Variants in SLCO3A1 observed in about 807,000 individuals in gnomAD.
The protein encoded by SLCO3A1 is solute carrier organic anion transporter family member 3A1, also known as PGE1 transporter.
SLCO3A1 carries 27 observed loss-of-function variants against 63.1 expected under a neutral mutation model. That is an observed-to-expected ratio of 0.43 (90% CI 0.32 to 0.59). The LOEUF (loss-of-function observed/expected upper bound fraction) is 0.59, where lower values mean the gene tolerates loss of function less well. Among genes scored for constraint, SLCO3A1 ranks in the 20% least tolerant of loss-of-function variants. The pLI is 0.09. For missense variants in SLCO3A1, 773 were observed against 945.8 expected (o/e 0.82, Z 2.40); for synonymous variants, 473 against 409.9 (o/e 1.15, Z -1.86).
intron 9 of SLCO3A1, among the ~76,000 whole-genome samples, chr15:92,155,796 T>C (rs1205771799): frequency 6.6e-6 from 1 of 152,028 alleles, no homozygotes; most frequent in South Asian, 2.1e-4. Flanking sequence ...GAGGCTGAGG[T>C]TTGGAGCCCC....
chr15:91,994,985 T>C (rs1325241005), intron 2 of SLCO3A1, among the ~76,000 whole-genome samples: 1 of 152,194 alleles, frequency 6.6e-6, no homozygotes, highest in Non-Finnish European at 1.5e-5. Context: ...CATTCCCACG[T>C]AGGAAAAATC....
intron 1 of SLCO3A1, among the ~76,000 whole-genome samples, chr15:91,880,126 C>CGTCT (rs1897523262): frequency 3.5e-5 from 4 of 115,346 alleles, no homozygotes; most frequent in Non-Finnish European, 6.8e-5. Context: ...TCCGTCCGTC[C>CGTCT]GTCCGTCCAT....
At chr15:92,073,519 A>C (rs1459831239) in intron 2 of SLCO3A1, among the ~76,000 whole-genome samples, 1 of 152,308 alleles carries the variant, frequency 6.6e-6, no homozygotes, top group East Asian at 1.9e-4. Context: ...AGCCTATTCA[A>C]TTCTAAGTAC....
chr15:92,153,102 T>C (rs933356181), intron 9 of SLCO3A1, among the ~76,000 whole-genome samples: 2 of 152,234 alleles, frequency 1.3e-5, no homozygotes, highest in Non-Finnish European at 2.9e-5. Context: ...AATATCTGTA[T>C]GTCTGCCCCA....
intron 2 of SLCO3A1, among the ~76,000 whole-genome samples, chr15:91,965,734 G>T (rs1477882361): frequency 7.4e-6 from 1 of 135,188 alleles, no homozygotes; most frequent in Admixed American, 7.1e-5. Context: ...GTGTGTGTGT[G>T]TGTGTGTGTG....
intron 1 of SLCO3A1, among the ~76,000 whole-genome samples, chr15:91,864,215 T>C (rs1897112197): frequency 6.6e-6 from 1 of 152,220 alleles, no homozygotes; most frequent in Admixed American, 6.5e-5. Flanking sequence ...TTTTAGGTCT[T>C]CTTAAGTATA....
chr15:91,926,561 G>A (rs539614175), intron 2 of SLCO3A1, among the ~76,000 whole-genome samples: 1 of 83,694 alleles, frequency 1.2e-5, no homozygotes, highest in South Asian at 4.3e-4. Context: ...GCCAAGCCGT[G>A]TGTGTGTGTG....
chr15:92,114,226 ATGGT>A (rs2047764592), intron 4 of SLCO3A1, among the ~76,000 whole-genome samples: 1 of 152,086 alleles, frequency 6.6e-6, no homozygotes, highest in African/African-American at 2.4e-5. Context: ...CATGTCACTG[ATGGT>A]TGGTTCATAA....
At chr15:92,001,479 G>C (rs1203523617) in intron 2 of SLCO3A1, among the ~76,000 whole-genome samples, 1 of 152,172 alleles carries the variant, frequency 6.6e-6, no homozygotes, top group African/African-American at 2.4e-5. Flanking sequence ...TCCTGCCCCA[G>C]CCTCCTGTGC....
At chr15:91,915,451 A>T (rs1055779181) in intron 1 of SLCO3A1, among the ~76,000 whole-genome samples, 14 of 152,116 alleles carry the variant, frequency 9.2e-5, no homozygotes, top group African/African-American at 3.4e-4. Context: ...GCAAAGAGCA[A>T]ATGATTACCC....
At position 91,916,560 on chromosome 15, in the gene SLCO3A1, G is replaced by C; in HGVS notation, c.646+102G>C. 1 of 852,156 alleles carries C rather than the reference G, an allele frequency of 1.2e-6. No individual in the cohort carries two copies. The highest frequency in any genetic ancestry group is 1.8e-6 in the Non-Finnish European group (1 of 554,184). The allele number at this position is 852,156 out of a possible 1,614,324, so 52.8% of individuals were successfully genotyped here. On this transcript the variant is annotated intron_variant, in intron 2 of 9. Transcript: ENST00000318445. The surrounding 1 kb of genome is among the most constrained non-coding windows in gnomAD (Gnocchi z 6.2). ...GATTTTGCCAGAGTACTGGTTCTCA[G>C]ACTTGGCTGCACACCTAGTGTTCTT...
In SLCO3A1 at chr15:91,927,345, G is replaced by A. The variant is rs571394020; in HGVS notation, c.646+10887G>A. 2.0e-5 allele frequency among the ~76,000 whole-genome samples: 3 copies of A among 151,988 alleles called. No individual in the cohort carries two copies. The East Asian group carries it at 5.8e-4, about 29-fold the overall frequency. On this transcript the variant is annotated intron_variant, in intron 2 of 9. Coordinates refer to ENST00000318445, the MANE Select transcript of SLCO3A1 (RefSeq NM_013272.4). ...CAAAAACACTTTAAAATGGCACTTG[G>A]ATCATTAATAGAATCTGAACTCTCA...
chr15:91,868,271 C>T (rs540339921), intron 1 of SLCO3A1, among the ~76,000 whole-genome samples: 6 of 150,520 alleles, frequency 4.0e-5, no homozygotes, highest in Non-Finnish European at 7.4e-5. Context: ...AGGCTAGTCT[C>T]GAACTCCTGA....
chr15:91,993,040 T>C (rs2046146131), intron 2 of SLCO3A1, among the ~76,000 whole-genome samples: 1 of 152,204 alleles, frequency 6.6e-6, no homozygotes, highest in Non-Finnish European at 1.5e-5. Flanking sequence ...GTACAACCTT[T>C]CTGGCGTGTG....
At chr15:92,031,688 A>T (rs72757419) in intron 2 of SLCO3A1, among the ~76,000 whole-genome samples, 28,836 of 152,112 alleles carry the variant, frequency 0.19, 2,936 homozygotes, top group Non-Finnish European at 0.21. Context: ...ATAGTAGGTG[A>T]ATATATTTAT....
At position 91,953,487 on chromosome 15, in the gene SLCO3A1, G is replaced by A. The variant is rs76926159; in HGVS notation, c.646+37029G>A. On this transcript the variant is annotated intron_variant, in intron 2 of 9. Coordinates refer to ENST00000318445, the MANE Select transcript of SLCO3A1 (RefSeq NM_013272.4). ...CTTAGGAGAGTTACCCACAGGAAGG[G>A]AGAGCCTGCCAGGAGGAGTAGGTGT... 8.9e-3 allele frequency among the ~76,000 whole-genome samples: 1,359 copies of A among 152,292 alleles called. 63 individuals are homozygous for A. Among genetic ancestry groups the A allele is most frequent in the Admixed American group, 0.064 (978 of 15,298 alleles).
At chr15:92,016,284 G>GA (rs1567068195) in intron 2 of SLCO3A1, among the ~76,000 whole-genome samples, 1 of 74,618 alleles carries the variant, frequency 1.3e-5, no homozygotes, top group African/African-American at 4.5e-5. Flanking sequence ...ATAGATAGAT[G>GA]TTATAGATAT....
chr15:92,150,928 C>G, intron 8 of SLCO3A1, 22 bp from the exon 9 acceptor site: 2 of 1,544,068 alleles, frequency 1.3e-6, no homozygotes, highest in African/African-American at 1.4e-5. Context: ...TTTTTTTTTT[C>G]TCTTCATCTC....
At chr15:91,993,048 G>T (rs2046146387) in intron 2 of SLCO3A1, among the ~76,000 whole-genome samples, 2 of 152,312 alleles carry the variant, frequency 1.3e-5, no homozygotes, top group Admixed American at 6.5e-5. Flanking sequence ...TTTCTGGCGT[G>T]TGTCTAGACT....
Sources: allele counts gnomAD v4.1 joint callset (sites outside exome capture counted in the v4.1 genomes callset), GRCh38; gene constraint gnomAD v4.1.1; non-coding constraint Gnocchi (gnomAD v3.1); transcripts MANE v1.5; gene names NCBI Gene and HGNC (gene_info 2026-07-23, HGNC 2026-07-21).